ELAPOR1: variants seen among roughly 807,000 people sequenced by gnomAD.
The protein encoded by ELAPOR1 is endosome-lysosome associated apoptosis and autophagy regulator 1.
A neutral mutation model predicts 119.7 loss-of-function variants in ELAPOR1; 77 were observed. The ratio of observed to expected loss-of-function variants is 0.64; its 90% confidence interval spans 0.54 to 0.78. The LOEUF (loss-of-function observed/expected upper bound fraction) is 0.78. ELAPOR1 is among the 30% of genes least tolerant of loss of function. The pLI is 0.00. For missense variants in ELAPOR1, 1,115 were observed against 1,270.4 expected, an observed-to-expected ratio of 0.88 and a Z score of 1.86; for synonymous variants, 481 against 487.2, an observed-to-expected ratio of 0.99 and a Z score of 0.17.
At position 109,138,817 on chromosome 1, in the gene ELAPOR1, A is replaced by G. The variant is rs565590903; in HGVS notation, c.154-23077A>G. ...CCATTGCACTCTAGCCTGGGCAACA[A>G]GAGTGAAACTCCATCTCAAAAAAAA... On this transcript the variant is annotated intron_variant, in intron 1 of 21. Transcript: ENST00000369939. Among the ~76,000 whole-genome samples, 16 of 133,352 alleles carry G rather than the reference A, an allele frequency of 1.2e-4. No homozygotes were observed. In the South Asian group the frequency reaches 3.4e-3, roughly 28 times the overall value. The allele number at this position is 133,352 out of a possible 152,430, so 87.5% of individuals were successfully genotyped here. A position where few individuals can be genotyped will look rare whatever the true frequency, so the allele number is the denominator to read the frequency against.
At chr1:109,134,254 T>G (rs2100985874) in intron 1 of ELAPOR1, among the ~76,000 whole-genome samples, 1 of 152,272 alleles carries the variant, frequency 6.6e-6, no homozygotes, top group East Asian at 1.9e-4. Flanking sequence ...TATCACAGTT[T>G]CCCGGAGGAA....
At chr1:109,158,112 T>G (rs1650997415) in intron 1 of ELAPOR1, among the ~76,000 whole-genome samples, 1 of 152,116 alleles carries the variant, frequency 6.6e-6, no homozygotes, top group Non-Finnish European at 1.5e-5. Flanking sequence ...GGTCTCAAAC[T>G]CCAGACCTCA....
intron 8 of ELAPOR1, chr1:109,187,357 G>C (rs764521415): frequency 3.7e-4 from 364 of 985,404 alleles, no homozygotes; most frequent in Non-Finnish European, 4.1e-4. Flanking sequence ...GCAGGGGAAG[G>C]AGGAGCCCAG....
intron 1 of ELAPOR1, among the ~76,000 whole-genome samples, chr1:109,156,753 T>C (rs989881149): frequency 1.3e-5 from 2 of 152,046 alleles, no homozygotes; most frequent in Non-Finnish European, 2.9e-5. Context: ...TCCCACCCAC[T>C]TGAGGTCCCT....
At chr1:109,127,582 T>A (rs1335014702) in intron 1 of ELAPOR1, among the ~76,000 whole-genome samples, 3 of 152,014 alleles carry the variant, frequency 2.0e-5, no homozygotes, top group South Asian at 2.1e-4. Flanking sequence ...TTATTTATTT[T>A]TTTGAGACAG....
At chr1:109,172,109 G>A in intron 4 of ELAPOR1, 96 bp downstream of exon 4, 1 of 1,430,354 alleles carries the variant, frequency 7.0e-7, no homozygotes, top group Non-Finnish European at 9.8e-7. Context: ...CCCTGCTTGG[G>A]GGAATCACTG....
rs965964597 is a variant in ELAPOR1 at position 109,206,709 on chromosome 1, G to A, written c.*3697G>A. On this transcript the variant is annotated 3_prime_UTR_variant, in exon 22 of 22. Transcript: ENST00000369939. The stretch of plus-strand genomic sequence containing the variant: ...TTCCTTTTTACCCTGTAATCCAAGC[G>A]TTAATAGTTTGTTAGAAGATGGGTT... 6.6e-5 allele frequency: 10 copies of A among 151,320 alleles called. No homozygotes were observed. Among genetic ancestry groups the A allele is most frequent in the Non-Finnish European group, 1.0e-4 (7 of 67,902 alleles). 9.4% of individuals were successfully genotyped at this position (151,320 alleles called of 1,614,324 possible).
At chr1:109,148,126 C>T (rs532373854) in intron 1 of ELAPOR1, among the ~76,000 whole-genome samples, 163 of 146,960 alleles carry the variant, frequency 1.1e-3, no homozygotes, top group Non-Finnish European at 2.2e-3. Flanking sequence ...CGTGAGCCAC[C>T]GCACCTGGCC....
chr1:109,187,899 C>G, intron 8 of ELAPOR1: 1 of 1,146,236 alleles, frequency 8.7e-7, no homozygotes, highest in Non-Finnish European at 1.1e-6. Context: ...TCTAAGACAA[C>G]TGGTCCCACA....
chr1:109,153,745 T>G (rs1365204050), intron 1 of ELAPOR1, among the ~76,000 whole-genome samples: 1 of 152,030 alleles, frequency 6.6e-6, no homozygotes, highest in Non-Finnish European at 1.5e-5. Flanking sequence ...GTTCAAGCGA[T>G]TCTCCTGTTT....
At chr1:109,182,292 T>A (rs941801287) in intron 7 of ELAPOR1, among the ~76,000 whole-genome samples, 1 of 151,948 alleles carries the variant, frequency 6.6e-6, no homozygotes, top group Admixed American at 6.6e-5. Flanking sequence ...GTGGCACCAC[T>A]GCACTCCAAC....
chr1:109,202,109 T>G (rs1453391796), intron 21 of ELAPOR1, among the ~76,000 whole-genome samples: 1 of 151,882 alleles, frequency 6.6e-6, no homozygotes, highest in Non-Finnish European at 1.5e-5. Flanking sequence ...CTAAAAAACA[T>G]GTATTTATTT....
At chr1:109,175,410 CA>C (rs1169766505) in intron 7 of ELAPOR1, among the ~76,000 whole-genome samples, 1 of 151,048 alleles carries the variant, frequency 6.6e-6, no homozygotes, top group African/African-American at 2.4e-5. Flanking sequence ...TTATGTTGGC[CA>C]GGCTGGTCTC....
chr1:109,146,560 T>G (rs1650190692), intron 1 of ELAPOR1, among the ~76,000 whole-genome samples: 1 of 152,174 alleles, frequency 6.6e-6, no homozygotes, highest in South Asian at 2.1e-4. Flanking sequence ...TTTTGTTTTT[T>G]CTCTTGCTTT....
intron 15 of ELAPOR1, 51 bp from the exon 16 acceptor site, chr1:109,197,423 C>T (rs1230755328): frequency 6.5e-7 from 1 of 1,546,454 alleles, no homozygotes; most frequent in East Asian, 2.3e-5. Context: ...CTGGGAATTC[C>T]TCTGTGACCA....
intron 21 of ELAPOR1, among the ~76,000 whole-genome samples, chr1:109,202,287 T>C (rs1253769156): frequency 1.3e-5 from 2 of 151,750 alleles, no homozygotes; most frequent in Non-Finnish European, 2.9e-5. Flanking sequence ...TAATTTTTTT[T>C]TTTTGTATTT....
chr1:109,187,084 T>C, intron 8 of ELAPOR1: 1 of 985,506 alleles, frequency 1.0e-6, no homozygotes, highest in Non-Finnish European at 1.2e-6. Flanking sequence ...GTTTGTCTTC[T>C]GAACAGTATT....
chr1:109,188,985 C>T lies in ELAPOR1; in HGVS notation c.1220-81C>T. 3 of 1,556,024 alleles carry T rather than the reference C, an allele frequency of 1.9e-6. No individual in the cohort carries two copies. In the South Asian group the frequency reaches 3.6e-5, roughly 18 times the overall value. ...TCTGGGCTGCCCGCTACTGTTGCAA[C>T]TTGTCTGTGTGGCAGCAGCTCCAGT... is the stretch of plus-strand genomic sequence containing the variant. On this transcript the variant is annotated intron_variant, in intron 9 of 21. Coordinates refer to ENST00000369939, the MANE Select transcript of ELAPOR1 (RefSeq NM_020775.5).
chr1:109,194,471 C>A lies in ELAPOR1; in HGVS notation c.1998C>A (p.Thr666=). The A allele has an allele frequency of 6.2e-7, 1 of 1,613,774 alleles. No homozygotes were observed. Reference sequence around the variant, plus strand: ...GCACCTTCTCACGCAACACTCCGACCAGGACTTTCAACTACAACTTCTCCG... The same window carrying A: ...GCACCTTCTCACGCAACACTCCGACAAGGACTTTCAACTACAACTTCTCCG... ...NDCTFSRNTP[T]RTFNYNFSAL... The change falls in exon 15 of 22, where the codon ACC becomes ACA. Residue 666 remains threonine (T), a synonymous_variant. Transcript: ENST00000369939.
Sources: allele counts gnomAD v4.1 joint callset (sites outside exome capture counted in the v4.1 genomes callset), GRCh38; gene constraint gnomAD v4.1.1; transcripts MANE v1.5; gene names NCBI Gene and HGNC (gene_info 2026-07-23, HGNC 2026-07-21).